IMMP2L: variants seen among roughly 807,000 people sequenced by gnomAD.
The protein encoded by IMMP2L is inner mitochondrial membrane peptidase subunit 2, also known as mitochondrial inner membrane protease subunit 2.
In IMMP2L, 18 loss-of-function variants were observed where a neutral mutation model predicts 19.3. The observed-to-expected ratio is 0.93, with a 90% confidence interval of 0.64 to 1.38. IMMP2L has a LOEUF of 1.38. Among genes scored for constraint, IMMP2L ranks in the 40% most tolerant of loss-of-function variants. The probability of loss-of-function intolerance (pLI) is 0.00; values close to 1 mark genes in which losing one functional copy is unlikely to be tolerated. For missense variants in IMMP2L, 233 were observed against 218.2 expected, an observed-to-expected ratio of 1.07 and a Z score of -0.43; for synonymous variants, 76 against 73.0, an observed-to-expected ratio of 1.04 and a Z score of -0.21.
At chr7:111,188,765 G>A (rs1808548436) in intron 3 of IMMP2L, among the ~76,000 whole-genome samples, 1 of 151,994 alleles carries the variant, frequency 6.6e-6, no homozygotes, top group African/African-American at 2.4e-5. Flanking sequence ...CCAGAGAGTG[G>A]CCACTTGAAA....
intron 3 of IMMP2L, among the ~76,000 whole-genome samples, chr7:111,140,403 C>T (rs1351625903): frequency 1.3e-5 from 2 of 152,140 alleles, no homozygotes; most frequent in Non-Finnish European, 2.9e-5. Flanking sequence ...TCTTCCTGAG[C>T]CCAGGTGCAT....
intron 3 of IMMP2L, among the ~76,000 whole-genome samples, chr7:111,149,445 C>T (rs1378647457): frequency 1.3e-5 from 2 of 152,146 alleles, no homozygotes; most frequent in Non-Finnish European, 2.9e-5. Flanking sequence ...TAACATTTGA[C>T]TCCCTCAAAA....
At chr7:110,690,127 C>T (rs150433312) in intron 5 of IMMP2L, among the ~76,000 whole-genome samples, 1 of 152,140 alleles carries the variant, frequency 6.6e-6, no homozygotes, top group African/African-American at 2.4e-5. Flanking sequence ...CACCCACTCA[C>T]CCCCCACCTC....
At chr7:111,383,164 A>C (rs1831373767) in intron 3 of IMMP2L, among the ~76,000 whole-genome samples, 1 of 152,216 alleles carries the variant, frequency 6.6e-6, no homozygotes, top group Admixed American at 6.6e-5. Flanking sequence ...AGAGAGACTG[A>C]AGAGAATAAA....
chr7:111,371,977 A>T (rs1442297878), intron 3 of IMMP2L, among the ~76,000 whole-genome samples: 1 of 152,072 alleles, frequency 6.6e-6, no homozygotes, highest in East Asian at 1.9e-4. Flanking sequence ...ATATATTGAC[A>T]AATGGCCACA....
chr7:111,432,327 A>C (rs1347476257), intron 3 of IMMP2L, among the ~76,000 whole-genome samples: 2 of 151,808 alleles, frequency 1.3e-5, no homozygotes, highest in African/African-American at 4.9e-5. Context: ...AGTTTTCCTT[A>C]AACAAATGGT....
At chr7:111,402,448 C>T (rs548700133) in intron 3 of IMMP2L, among the ~76,000 whole-genome samples, 13 of 152,068 alleles carry the variant, frequency 8.5e-5, no homozygotes, top group African/African-American at 2.9e-4. Context: ...CGGTGGCTCA[C>T]GCATGCAATC....
At chr7:111,140,835 G>A (rs970097502) in intron 3 of IMMP2L, among the ~76,000 whole-genome samples, 19 of 152,150 alleles carry the variant, frequency 1.2e-4, no homozygotes, top group African/African-American at 4.3e-4. Flanking sequence ...CACTGAAAGA[G>A]TAATTCTAAA....
chr7:111,102,481 T>C (rs1798080983), intron 3 of IMMP2L, among the ~76,000 whole-genome samples: 1 of 151,634 alleles, frequency 6.6e-6, no homozygotes. Context: ...TTGACAGTAA[T>C]GTGTTGCTGC....
intron 5 of IMMP2L, among the ~76,000 whole-genome samples, chr7:110,769,952 G>A (rs886156973): frequency 2.0e-5 from 3 of 152,022 alleles, no homozygotes; most frequent in Non-Finnish European, 4.4e-5. Context: ...TTGACTATCC[G>A]AACTGTTGGG....
rs1268446718 is a variant in IMMP2L at position 111,208,071 on chromosome 7, T to TA, written c.240-244507_240-244506insT. 2.0e-5 allele frequency among the ~76,000 whole-genome samples: 3 copies of TA among 152,262 alleles called. No homozygotes were observed. The East Asian group carries it at 5.8e-4, about 29-fold the overall frequency. On this transcript the variant is annotated intron_variant, in intron 3 of 5. Coordinates refer to ENST00000405709, the MANE Select transcript of IMMP2L (RefSeq NM_032549.4). ...TTAGCTTCCAGGATTCCACTTTTAC[T>TA]GTTTTTTCAGTCTTCAGTCAGGACC...
At chr7:110,748,182 A>G (rs766167633) in intron 5 of IMMP2L, among the ~76,000 whole-genome samples, 2 of 152,154 alleles carry the variant, frequency 1.3e-5, no homozygotes, top group Admixed American at 6.5e-5. Context: ...TAGGAACCCA[A>G]CTTATAATGG....
At chr7:111,306,653 T>A (rs1822911982) in intron 3 of IMMP2L, among the ~76,000 whole-genome samples, 2 of 128,778 alleles carry the variant, frequency 1.6e-5, no homozygotes, top group African/African-American at 2.9e-5. Context: ...TGTGTGTGTG[T>A]GTCCAGTTTT....
intron 5 of IMMP2L, among the ~76,000 whole-genome samples, chr7:110,669,024 A>AGTGTGTGTGT (rs1390053336): frequency 4.4e-5 from 1 of 22,634 alleles, no homozygotes; most frequent in Non-Finnish European, 4.0e-4. Flanking sequence ...CTGAACCAAC[A>AGTGTGTGTGT]GTATGTGTGT....
At chr7:110,891,591 C>T (rs1308490815) in intron 4 of IMMP2L, among the ~76,000 whole-genome samples, 2 of 152,060 alleles carry the variant, frequency 1.3e-5, no homozygotes, top group Non-Finnish European at 2.9e-5. Flanking sequence ...CTCCCACAAA[C>T]TTCAAATACT....
intron 3 of IMMP2L, among the ~76,000 whole-genome samples, chr7:111,273,575 C>T (rs1012372617): frequency 1.3e-5 from 2 of 152,004 alleles, no homozygotes; most frequent in African/African-American, 4.8e-5. Context: ...AAACTTCTAC[C>T]TTGAGGATGC....
intron 3 of IMMP2L, among the ~76,000 whole-genome samples, chr7:111,086,017 A>T (rs1044779644): frequency 7.9e-5 from 12 of 152,166 alleles, no homozygotes; most frequent in Non-Finnish European, 1.5e-5. Flanking sequence ...ACTAATGGCT[A>T]CTAGGGTTAA....
intron 4 of IMMP2L, among the ~76,000 whole-genome samples, chr7:110,897,623 C>T (rs1322937625): frequency 1.3e-5 from 2 of 152,042 alleles, no homozygotes; most frequent in Non-Finnish European, 2.9e-5. Flanking sequence ...TATGTAAGGA[C>T]ACAGGTACAA....
At chr7:110,952,130 A>G (rs1236356545) in intron 4 of IMMP2L, among the ~76,000 whole-genome samples, 1 of 152,152 alleles carries the variant, frequency 6.6e-6, no homozygotes, top group African/African-American at 2.4e-5. Context: ...ACAGACTTAC[A>G]TTACCATTGA....
Sources: allele counts gnomAD v4.1 joint callset (sites outside exome capture counted in the v4.1 genomes callset), GRCh38; gene constraint gnomAD v4.1.1; transcripts MANE v1.5; gene names NCBI Gene and HGNC (gene_info 2026-07-23, HGNC 2026-07-21).